Variants in ANO4 observed in about 807,000 individuals in gnomAD.
The protein encoded by ANO4 is anoctamin 4.
ANO4 carries 69 observed loss-of-function variants against 141.9 expected under a neutral mutation model. The observed-to-expected ratio is 0.49, with a 90% CI of 0.40 to 0.59. The LOEUF is 0.59. Ranked by LOEUF, ANO4 falls within the 20% of genes least tolerant of loss-of-function variation. The probability of loss-of-function intolerance (pLI) is 0.00; values close to 1 mark genes in which losing one functional copy is unlikely to be tolerated. For missense variants in ANO4, 894 were observed against 1,162.2 expected, an observed-to-expected ratio of 0.77 and a Z score of 3.36; for synonymous variants, 350 against 394.3, an observed-to-expected ratio of 0.89 and a Z score of 1.33.
At chr12:100,936,339 G>GCTA (rs1327310153) in intron 3 of ANO4, among the ~76,000 whole-genome samples, 20 of 152,088 alleles carry the variant, frequency 1.3e-4, no homozygotes, top group Non-Finnish European at 2.8e-4. Flanking sequence ...ATGTATAGCG[G>GCTA]CATCCCTGGC....
chr12:101,033,929 C>T (rs931468091), intron 9 of ANO4, among the ~76,000 whole-genome samples: 4 of 152,084 alleles, frequency 2.6e-5, no homozygotes, highest in African/African-American at 7.2e-5. Context: ...AAATCAAAAC[C>T]GTAATGAGAT....
At chr12:101,064,994 CA>C (rs1399731054) in intron 14 of ANO4, among the ~76,000 whole-genome samples, 3 of 152,144 alleles carry the variant, frequency 2.0e-5, no homozygotes, top group Non-Finnish European at 4.4e-5. Context: ...TACTTGTATT[CA>C]AGTAACCCTT....
At chr12:100,956,963 G>A (rs753095904) in intron 5 of ANO4, among the ~76,000 whole-genome samples, 1 of 152,176 alleles carries the variant, frequency 6.6e-6, no homozygotes, top group Non-Finnish European at 1.5e-5. Context: ...TAGCAAAGCT[G>A]TACCTTAATG....
chr12:101,019,622 T>A (rs1159136843), intron 8 of ANO4, among the ~76,000 whole-genome samples: 1 of 152,142 alleles, frequency 6.6e-6, no homozygotes, highest in Non-Finnish European at 1.5e-5. Context: ...AAGCCAGTTT[T>A]ATATCTTAAA....
At chr12:100,900,485 T>C (rs1037736028) in intron 1 of ANO4, among the ~76,000 whole-genome samples, 28 of 133,640 alleles carry the variant, frequency 2.1e-4, no homozygotes, top group Middle Eastern at 7.6e-3. Flanking sequence ...CAGTGTGTGA[T>C]GTTCCCCTTC....
chr12:100,957,751 C>T lies in ANO4; in HGVS notation c.457-13555C>T, dbSNP rs533747081. On this transcript the variant is annotated intron_variant, in intron 5 of 27. Transcript: ENST00000392977. ...GATTACAGGCGTACACCGCCAAGCC[C>T]GGCTACTTTCCTGTACTTTCCAGCC... Among the ~76,000 whole-genome samples the T allele has an allele frequency of 3.3e-5, 5 of 152,304 alleles. No homozygotes were observed. The East Asian group carries it at 5.8e-4, about 18-fold the overall frequency.
chr12:100,741,255 A>G (rs560522500), intron 3 of ANO4, among the ~76,000 whole-genome samples: 41 of 151,708 alleles, frequency 2.7e-4, no homozygotes, highest in African/African-American at 9.1e-4. Flanking sequence ...CTGGAAATAA[A>G]TCTTTGAATG....
At chr12:100,963,920 A>T (rs781125097) in intron 5 of ANO4, among the ~76,000 whole-genome samples, 4 of 152,196 alleles carry the variant, frequency 2.6e-5, no homozygotes, top group Non-Finnish European at 4.4e-5. Context: ...CCAGTACTAT[A>T]CAACCATGAC....
intron 1 of ANO4, among the ~76,000 whole-genome samples, chr12:100,798,378 G>A (rs2034468940): frequency 6.6e-6 from 1 of 152,180 alleles, no homozygotes; most frequent in Admixed American, 6.5e-5. Flanking sequence ...AGGGAAGACT[G>A]TTCTTCAGCA....
chr12:101,092,686 G>T (rs983901190), intron 17 of ANO4, among the ~76,000 whole-genome samples: 6 of 152,026 alleles, frequency 3.9e-5, no homozygotes, highest in African/African-American at 1.4e-4. Context: ...TTTTCACAAG[G>T]TTAATATTAC....
At chr12:101,069,214 T>G in intron 14 of ANO4, 1 of 1,292,880 alleles carries the variant, frequency 7.7e-7, no homozygotes, top group Non-Finnish European at 1.1e-6. Flanking sequence ...AGAGCTGTAT[T>G]GACTTGTTCA....
At position 101,033,018 on chromosome 12, in the gene ANO4, G is replaced by A. The variant is rs1455029993; in HGVS notation, c.842-4077G>A. 9.2e-5 allele frequency among the ~76,000 whole-genome samples: 14 copies of A among 152,190 alleles called. 1 individual carries two copies. Among genetic ancestry groups the A allele is most frequent in the African/African-American group, 2.4e-4 (10 of 41,522 alleles). ...ATGCTGCTATAAGACACATGCACAC[G>A]TATGTTTATTGCGGCACTATTCACA... is the stretch of plus-strand genomic sequence containing the variant. On this transcript the variant is annotated intron_variant, in intron 9 of 27. Transcript: ENST00000392977.
At chr12:100,967,954 A>G (rs930636182) in intron 5 of ANO4, among the ~76,000 whole-genome samples, 1 of 152,218 alleles carries the variant, frequency 6.6e-6, no homozygotes, top group Non-Finnish European at 1.5e-5. Flanking sequence ...GTAAACATTC[A>G]GTTTGGCTGT....
intron 2 of ANO4, among the ~76,000 whole-genome samples, chr12:100,920,550 A>G (rs1213888017): frequency 6.8e-6 from 1 of 147,464 alleles, no homozygotes; most frequent in East Asian, 2.0e-4. Flanking sequence ...CCATGGAAGA[A>G]AAAAGCAAAT....
intron 8 of ANO4, among the ~76,000 whole-genome samples, chr12:101,019,010 G>T (rs1431554024): frequency 1.3e-5 from 2 of 152,056 alleles, no homozygotes; most frequent in Non-Finnish European, 2.9e-5. Flanking sequence ...TGCAAAATAA[G>T]AAATAGCACA....
At chr12:100,867,365 C>T (rs996796620) in intron 1 of ANO4, among the ~76,000 whole-genome samples, 1 of 152,092 alleles carries the variant, frequency 6.6e-6, no homozygotes, top group Admixed American at 6.6e-5. Context: ...GTCCAAAGGC[C>T]TGAGCAGTAG....
At chr12:100,871,830 G>T (rs1322630301) in intron 1 of ANO4, among the ~76,000 whole-genome samples, 3 of 152,134 alleles carry the variant, frequency 2.0e-5, no homozygotes, top group Non-Finnish European at 4.4e-5. Flanking sequence ...TGGGGGCTCT[G>T]CACTCATGAC....
intron 14 of ANO4, among the ~76,000 whole-genome samples, chr12:101,076,568 G>T (rs1035868649): frequency 6.6e-6 from 1 of 152,174 alleles, no homozygotes; most frequent in Non-Finnish European, 1.5e-5. Context: ...ACAGCCACTG[G>T]CTCATCTTAG....
chr12:100,887,324 A>T (rs1421056554), intron 1 of ANO4, among the ~76,000 whole-genome samples: 3 of 152,196 alleles, frequency 2.0e-5, no homozygotes, highest in Admixed American at 6.5e-5. Context: ...ATACTTTTTC[A>T]TTATGCATGG....
Sources: allele counts gnomAD v4.1 joint callset (sites outside exome capture counted in the v4.1 genomes callset), GRCh38; gene constraint gnomAD v4.1.1; transcripts MANE v1.5; gene names NCBI Gene and HGNC (gene_info 2026-07-23, HGNC 2026-07-21).